Variants in PEX7 observed in about 807,000 individuals in gnomAD.
PEX7 encodes peroxisomal biogenesis factor 7.
Under a neutral mutation model 47.5 loss-of-function variants are expected in PEX7, and 34 were observed. The ratio of observed to expected loss-of-function variants is 0.72; its 90% CI spans 0.54 to 0.95. The LOEUF is 0.95. Among genes scored for constraint, PEX7 ranks in the 40% least tolerant of loss-of-function variants. PEX7 has a pLI of 0.00. For missense variants in PEX7, 394 were observed against 400.3 expected, an observed-to-expected ratio of 0.98 and a Z score of 0.13; for synonymous variants, 141 against 148.8, an observed-to-expected ratio of 0.95 and a Z score of 0.38.
chr6:136,844,356 G>A (rs928823596), intron 3 of PEX7, among the ~76,000 whole-genome samples: 3 of 148,040 alleles, frequency 2.0e-5, no homozygotes, highest in Non-Finnish European at 3.0e-5. Context: ...GGGCGACTGC[G>A]CAAGACCCTG....
intron 5 of PEX7, among the ~76,000 whole-genome samples, chr6:136,852,767 A>G (rs1774782629): frequency 4.7e-5 from 1 of 21,338 alleles, no homozygotes; most frequent in African/African-American, 2.1e-4. Context: ...TGCCATCCCC[A>G]TCAAGCTACC....
chr6:136,825,271 G>A lies in PEX7; in HGVS notation c.188G>A (p.Ser63Asn). 2 of 1,610,314 alleles carry A rather than the reference G, an allele frequency of 1.2e-6. No homozygotes were observed. Among genetic ancestry groups the A allele is most frequent in the Non-Finnish European group, 1.7e-6 (2 of 1,176,592 alleles). Residue 63 changes from serine to asparagine, a missense_variant and splice_region_variant, in exon 2 of 10, where the codon AGC (serine) becomes AAC (asparagine). Physicochemically the swap from Ser to Asn is conservative, Grantham distance 46. Coordinates refer to ENST00000318471, the MANE Select transcript of PEX7 (RefSeq NM_000288.4). ...GAAGCTGGGCTAAGGCTTTTTAGAA[G>A]GTAAGGGGGCTGAAATTATTAAAGG... Reference protein sequence around the residue: ...PDEAGLRLFRSFDWNDGLFDV... With the variant: ...PDEAGLRLFRNFDWNDGLFDV...
intron 8 of PEX7, among the ~76,000 whole-genome samples, chr6:136,878,798 TTA>T (rs1261698705): frequency 4.6e-5 from 7 of 152,222 alleles, no homozygotes; most frequent in African/African-American, 1.7e-4. Flanking sequence ...GTGTCATATT[TTA>T]TGTTATGATT....
intron 8 of PEX7, among the ~76,000 whole-genome samples, chr6:136,887,619 GAA>G (rs1775488250): frequency 6.7e-6 from 1 of 149,966 alleles, no homozygotes; most frequent in Non-Finnish European, 1.5e-5. Context: ...TGTAGAGAGA[GAA>G]AGATAAAACA....
intron 5 of PEX7, among the ~76,000 whole-genome samples, chr6:136,860,141 A>G (rs1490235711): frequency 6.6e-6 from 1 of 152,186 alleles, no homozygotes; most frequent in South Asian, 2.1e-4. Context: ...TCTGCCTGTC[A>G]ATGAAAGGCC....
chr6:136,854,548 A>G (rs1415389653), intron 5 of PEX7, among the ~76,000 whole-genome samples: 2 of 152,172 alleles, frequency 1.3e-5, no homozygotes, highest in East Asian at 1.9e-4. Flanking sequence ...CGGATCTGTA[A>G]GTTGACCACA....
intron 9 of PEX7, among the ~76,000 whole-genome samples, chr6:136,907,355 A>G (rs1775862144): frequency 6.6e-6 from 1 of 152,144 alleles, no homozygotes; most frequent in Non-Finnish European, 1.5e-5. Context: ...AATAAACCAT[A>G]TTCTCTCCTG....
At chr6:136,898,800 T>C (rs114609779) in intron 9 of PEX7, among the ~76,000 whole-genome samples, 2,432 of 152,104 alleles carry the variant, frequency 0.016, 75 homozygotes, top group African/African-American at 0.056. Context: ...ACTTTAAATA[T>C]CCCTCAGGTT....
intron 7 of PEX7, among the ~76,000 whole-genome samples, chr6:136,871,313 C>G (rs1481184336): frequency 1.3e-5 from 2 of 152,184 alleles, no homozygotes; most frequent in Admixed American, 6.5e-5. Context: ...TATTACTCAT[C>G]TAGAAGACGT....
intron 3 of PEX7, among the ~76,000 whole-genome samples, chr6:136,838,246 G>A (rs988377744): frequency 2.6e-5 from 4 of 152,112 alleles, no homozygotes; most frequent in African/African-American, 9.7e-5. Flanking sequence ...ATAATTGGAA[G>A]CTAAAAAACA....
intron 5 of PEX7, among the ~76,000 whole-genome samples, chr6:136,859,055 A>G (rs1774913075): frequency 1.3e-5 from 2 of 152,234 alleles, no homozygotes; most frequent in Non-Finnish European, 2.9e-5. Flanking sequence ...GTAGTTAAGT[A>G]TATCTTTCAA....
At chr6:136,862,018 T>TTTATATATATATATTTTATATATA (rs1168105054) in intron 5 of PEX7, among the ~76,000 whole-genome samples, 4 of 143,526 alleles carry the variant, frequency 2.8e-5, no homozygotes, top group East Asian at 2.0e-4. Flanking sequence ...TTTTTCTGTA[T>TTTATATATATATATTTTATATATA]TTATATATAT....
At position 136,823,396 on chromosome 6, in the gene PEX7, C is replaced by T. The variant is rs1035603845; in HGVS notation, c.130+601C>T. ...CATTCGCAAGTAGGTGTTACAGACT[C>T]CAGTTAATTGTCTCCCGTCGCGCGC... On this transcript the variant is annotated intron_variant, in intron 1 of 9. Transcript: ENST00000318471. The T allele has an allele frequency of 6.2e-6, 6 of 972,508 alleles. No individual in the cohort carries two copies. In the African/African-American group the frequency reaches 7.0e-5, roughly 11 times the overall value. The allele number at this position is 972,508 out of a possible 1,614,324, so 60.2% of individuals were successfully genotyped here.
At chr6:136,882,477 C>G (rs370577868) in intron 8 of PEX7, among the ~76,000 whole-genome samples, 21 of 152,114 alleles carry the variant, frequency 1.4e-4, no homozygotes, top group African/African-American at 4.8e-4. Context: ...CGCACCTGGC[C>G]CTTTGCCTCT....
chr6:136,825,574 C>A (rs1048387229), intron 2 of PEX7, among the ~76,000 whole-genome samples: 2 of 151,970 alleles, frequency 1.3e-5, no homozygotes, highest in Non-Finnish European at 2.9e-5. Context: ...GGCTCTGTCA[C>A]CCAGGCTGGA....
chr6:136,900,485 C>T lies in PEX7; in HGVS notation c.903+2244C>T. Reference sequence around the variant, plus strand: ...TTGCCCCCCCAGTGACAGCAGATCTCATCGTGTCTGTCATTGTAATTGGTC... The same window carrying T: ...TTGCCCCCCCAGTGACAGCAGATCTTATCGTGTCTGTCATTGTAATTGGTC... On this transcript the variant is annotated intron_variant, in intron 9 of 9. Coordinates refer to ENST00000318471, the MANE Select transcript of PEX7 (RefSeq NM_000288.4). This position sits in a 1 kb window ranked among gnomAD's most constrained non-coding sequence, Gnocchi z 4.2. 2.1e-6 allele frequency: 1 copy of T among 478,780 alleles called. No homozygotes were observed. Among genetic ancestry groups the T allele is most frequent in the Non-Finnish European group, 4.1e-6 (1 of 241,206 alleles). The allele number at this position is 478,780 out of a possible 1,614,324, so 29.7% of individuals were successfully genotyped here.
At chr6:136,864,252 A>G (rs192463912) in intron 5 of PEX7, among the ~76,000 whole-genome samples, 6 of 152,138 alleles carry the variant, frequency 3.9e-5, no homozygotes, top group Middle Eastern at 3.4e-3. Flanking sequence ...AATATTAACT[A>G]TTATTCATGT....
intron 3 of PEX7, among the ~76,000 whole-genome samples, chr6:136,833,088 A>G (rs1459119825): frequency 6.6e-6 from 1 of 152,116 alleles, no homozygotes; most frequent in African/African-American, 2.4e-5. Context: ...GTCCTTTTTC[A>G]CACTGCTATA....
At chr6:136,871,752 G>T (rs1582761150) in intron 7 of PEX7, among the ~76,000 whole-genome samples, 2 of 152,046 alleles carry the variant, frequency 1.3e-5, no homozygotes, top group East Asian at 3.9e-4. Flanking sequence ...GTACAGGCGG[G>T]GTTTCACCAT....
Sources: gnomAD v4.1 joint callset for allele counts (sites outside exome capture counted in the v4.1 genomes callset) on GRCh38, gnomAD v4.1.1 for gene constraint, Gnocchi (gnomAD v3.1) non-coding constraint, MANE v1.5 for transcripts, NCBI Gene and HGNC (gene_info 2026-07-23, HGNC 2026-07-21) for gene names.